The following CYP4F2 variants were observed in gnomAD, a reference collection of about 807,000 sequenced individuals.
CYP4F2 encodes the protein cytochrome P450 family 4 subfamily F member 2.
Under a neutral mutation model 58.9 loss-of-function variants are expected in CYP4F2, and 58 were observed. That is an observed-to-expected ratio of 0.98 (90% CI 0.80 to 1.23). The LOEUF is 1.23. CYP4F2 is among the 50% of genes most tolerant of loss of function. The pLI is 0.00. For missense variants in CYP4F2, 616 were observed against 685.6 expected (o/e 0.90, Z 1.13); for synonymous variants, 287 against 261.1 (o/e 1.10, Z -0.95).
At chr19:15,890,555 C>T (rs2089410647) in intron 5 of CYP4F2, 122 bp from the exon 6 acceptor site, 2 of 1,445,610 alleles carry the variant, frequency 1.4e-6, no homozygotes, top group Non-Finnish European at 1.8e-6. Flanking sequence ...AGGGACCCCT[C>T]CCCAGGGAGC....
In CYP4F2 at chr19:15,878,866, G is replaced by C. The variant is rs1254717734; in HGVS notation, c.1468C>G (p.Arg490Gly). The change falls in exon 13 of 13, where the codon CGC (arginine) becomes GGC (glycine). Residue 490 changes from arginine to glycine, a missense_variant. Physicochemically the swap from Arg to Gly is moderately radical, Grantham distance 125 (BLOSUM62 -2). Transcript: ENST00000221700. Reference protein sequence around the residue: ...VVLALTLLRFRVLPDHTEPRR... With the variant: ...VVLALTLLRFGVLPDHTEPRR... ...GGCTCGGTGTGGTCAGGCAGGACGC[G>C]GAAGCGCAGCAGCGTGAGCGCCAGG... 3.1e-6 allele frequency: 5 copies of C among 1,613,920 alleles called. No homozygotes were observed. The Admixed American group carries it at 8.3e-5, about 27-fold the overall frequency.
In CYP4F2 at chr19:15,879,412, C is replaced by T. The variant is rs138971789; in HGVS notation, c.1331G>A (p.Arg444His). 35 of 1,614,048 alleles carry T rather than the reference C, an allele frequency of 2.2e-5. No individual in the cohort carries two copies. Among genetic ancestry groups the T allele is most frequent in the Middle Eastern group, 3.3e-4 (2 of 6,062 alleles). Reference sequence around the variant, plus strand: ...CTCCTTGATGTTCTCTGGGTCAAAGCGAAAGGGGTCGTAGACCTGGAGGTG... The same window carrying T: ...CTCCTTGATGTTCTCTGGGTCAAAGTGAAAGGGGTCGTAGACCTGGAGGTG... ...WPDPEVYDPF[R>H]FDPENIKERS... The change falls in exon 12 of 13, where the codon CGC becomes CAC. Residue 444 changes from arginine (R) to histidine (H), a missense_variant. Coordinates refer to ENST00000221700, the MANE Select transcript of CYP4F2 (RefSeq NM_001082.5).
chr19:15,896,787 C>T (rs1025833768), intron 2 of CYP4F2, among the ~76,000 whole-genome samples: 43 of 152,216 alleles, frequency 2.8e-4, no homozygotes, highest in African/African-American at 1.0e-3. Context: ...AATGAGCAGA[C>T]TAAGACCACA....
intron 6 of CYP4F2, among the ~76,000 whole-genome samples, 167 bp from the exon 7 acceptor site, chr19:15,889,860 C>T (rs1296101435): frequency 6.6e-6 from 1 of 152,136 alleles, no homozygotes; most frequent in East Asian, 1.9e-4. Context: ...ATTCTCCAAG[C>T]TCTCTTCTCT....
intron 7 of CYP4F2, chr19:15,886,531 G>T (rs993603183): frequency 7.4e-5 from 41 of 551,096 alleles, no homozygotes; most frequent in African/African-American, 7.4e-4. Flanking sequence ...GGTTCCTACT[G>T]GGAAGACTCA....
At position 15,879,380 on chromosome 19, in the gene CYP4F2, G is replaced by T; in HGVS notation, c.1363C>A (p.Pro455Thr). The change falls in exon 12 of 13, where the codon CCT becomes ACT. Residue 455 changes from proline to threonine, a missense_variant. Coordinates refer to ENST00000221700, the MANE Select transcript of CYP4F2 (RefSeq NM_001082.5). ...FDPENIKERS[P>T]LAFIPFSAGP... Reference sequence around the variant, plus strand: ...GCCGAGAAGGGAATAAAAGCCAGAGGTGACCTCTCCTTGATGTTCTCTGGG... The same window carrying T: ...GCCGAGAAGGGAATAAAAGCCAGAGTTGACCTCTCCTTGATGTTCTCTGGG... The T allele has an allele frequency of 6.2e-7, 1 of 1,614,126 alleles. No individual in the cohort carries two copies.
chr19:15,885,837 AC>A, intron 9 of CYP4F2, 86 bp downstream of exon 9: 5 of 1,534,102 alleles, frequency 3.3e-6, no homozygotes, highest in Non-Finnish European at 3.5e-6. Context: ...GGCAGAATCA[AC>A]AAAAACAGCT....
intron 7 of CYP4F2, among the ~76,000 whole-genome samples, chr19:15,886,891 T>G (rs151076482): frequency 2.0e-5 from 3 of 152,208 alleles, no homozygotes; most frequent in Non-Finnish European, 4.4e-5. Context: ...AGACTCATAA[T>G]GTAGGGCCCC....
intron 6 of CYP4F2, 90 bp from the exon 7 acceptor site, chr19:15,889,783 A>G: frequency 1.9e-6 from 3 of 1,552,676 alleles, no homozygotes; most frequent in Non-Finnish European, 2.6e-6. Flanking sequence ...TCTACCTCCT[A>G]TCAGTAAACA....
intron 3 of CYP4F2, 39 bp from the exon 4 acceptor site, chr19:15,892,621 G>T: frequency 1.2e-6 from 2 of 1,601,924 alleles, no homozygotes; most frequent in Non-Finnish European, 8.5e-7. Context: ...ATGGAGGCAG[G>T]TGAAAGAGGG....
intron 9 of CYP4F2, among the ~76,000 whole-genome samples, chr19:15,883,826 C>T (rs565854651): frequency 1.3e-5 from 2 of 152,072 alleles, no homozygotes; most frequent in Non-Finnish European, 2.9e-5. Flanking sequence ...TTTGGGAGGC[C>T]GAGGCAGGCA....
rs2089421639 is a variant in CYP4F2, at chr19:15,892,419, T to C, written c.415A>G (p.Ser139Gly). The C allele has an allele frequency of 5.6e-6, 9 of 1,614,144 alleles. No individual in the cohort carries two copies. The highest frequency in any genetic ancestry group is 7.6e-6 in the Non-Finnish European group (9 of 1,180,020). The change falls in exon 5 of 13, where the codon AGT (serine) becomes GGT (glycine). Residue 139 changes from serine (S) to glycine (G), a missense_variant. Physicochemically the swap from Ser to Gly is moderately conservative, Grantham distance 56. Transcript: ENST00000221700. ...TGGCGGCTCCACTTGTCACCAGCAC[T>C]CAGCAGGAGCCCATCCCCTAGCAGG... ...EPWLGDGLLL[S>G]AGDKWSRHRR...
chr19:15,882,088 C>CA (rs1333814336), intron 9 of CYP4F2, among the ~76,000 whole-genome samples: 4 of 151,800 alleles, frequency 2.6e-5, no homozygotes, highest in Non-Finnish European at 2.9e-5. Flanking sequence ...AATAAAAATA[C>CA]AAAAAAATTA....
At chr19:15,888,613 C>T (rs562056577) in intron 7 of CYP4F2, among the ~76,000 whole-genome samples, 5 of 152,082 alleles carry the variant, frequency 3.3e-5, no homozygotes, top group African/African-American at 7.2e-5. Context: ...TAGACACAGA[C>T]GCACACATAC....
chr19:15,893,209 A>G (rs962824238), intron 3 of CYP4F2, among the ~76,000 whole-genome samples: 1 of 152,190 alleles, frequency 6.6e-6, no homozygotes, highest in East Asian at 1.9e-4. Flanking sequence ...GGCATGACCC[A>G]AATATACTAT....
At chr19:15,880,009 A>G in intron 9 of CYP4F2, 112 bp from the exon 10 acceptor site, 4 of 1,565,986 alleles carry the variant, frequency 2.6e-6, no homozygotes, top group Non-Finnish European at 3.4e-6. Flanking sequence ...TAAACTTTTA[A>G]CAAGAATTGT....
In CYP4F2 at chr19:15,892,252, C is replaced by G. The variant is rs377095912; in HGVS notation, c.525+57G>C. On this transcript the variant is annotated intron_variant, in intron 5 of 12. Coordinates refer to ENST00000221700, the MANE Select transcript of CYP4F2 (RefSeq NM_001082.5). Reference sequence around the variant, plus strand: ...AGAGCCAAAACTCCAGACTAGATCTCTCTGTTGTCCTTTCACCCCAAGGCT... The same window carrying G: ...AGAGCCAAAACTCCAGACTAGATCTGTCTGTTGTCCTTTCACCCCAAGGCT... 1.7e-4 allele frequency: 276 copies of G among 1,610,244 alleles called. 3 individuals are homozygous for G. In the South Asian group the frequency reaches 2.8e-3, roughly 17 times the overall value.
At chr19:15,892,614 G>A in intron 3 of CYP4F2, 32 bp from the exon 4 acceptor site, 1 of 1,606,414 alleles carries the variant, frequency 6.2e-7, no homozygotes. Flanking sequence ...AGGGGCCATG[G>A]AGGCAGGTGA....
chr19:15,896,341 C>T (rs2145016517), intron 2 of CYP4F2, among the ~76,000 whole-genome samples: 1 of 152,284 alleles, frequency 6.6e-6, no homozygotes, highest in Middle Eastern at 3.4e-3. Context: ...TTGGGTCCAT[C>T]TCCAAGTCCC....
Sources: gnomAD v4.1 joint callset for allele counts (sites outside exome capture counted in the v4.1 genomes callset) on GRCh38, gnomAD v4.1.1 for gene constraint, MANE v1.5 for transcripts, NCBI Gene and HGNC (gene_info 2026-07-23, HGNC 2026-07-21) for gene names.